Variants in CEP152 observed in about 807,000 individuals in gnomAD.
CEP152 encodes the protein centrosomal protein 152.
A neutral mutation model predicts 188.9 loss-of-function variants in CEP152; 132 were observed. The observed-to-expected ratio is 0.70, with a 90% confidence interval of 0.61 to 0.81. The LOEUF is 0.81. Ranked by LOEUF, CEP152 falls within the 30% of genes least tolerant of loss-of-function variation. The pLI is 0.00. For synonymous variants in CEP152, 649 were observed against 666.6 expected (o/e 0.97, Z 0.41); for missense variants, 1,914 against 1,969.8 (o/e 0.97, Z 0.54).
At chr15:48,774,646 G>A (rs139235017) in intron 12 of CEP152, among the ~76,000 whole-genome samples, 159 of 152,284 alleles carry the variant, frequency 1.0e-3, no homozygotes, top group African/African-American at 3.7e-3. Flanking sequence ...GACTAAACCC[G>A]AAGGGATGCA....
chr15:48,740,218 G>C (rs1383788365), intron 26 of CEP152, among the ~76,000 whole-genome samples: 2 of 152,136 alleles, frequency 1.3e-5, no homozygotes, highest in African/African-American at 2.4e-5. Flanking sequence ...TTATCATTAT[G>C]AACTATCAGC....
At chr15:48,807,510 G>A (rs954660003) in intron 1 of CEP152, among the ~76,000 whole-genome samples, 1 of 150,476 alleles carries the variant, frequency 6.6e-6, no homozygotes, top group Non-Finnish European at 1.5e-5. Flanking sequence ...AGCCGAGATT[G>A]CGCCACTGCA....
Position 48,738,594 on chromosome 15 carries a change from T to G in CEP152, c.4788A>C (p.Gln1596His). Residue 1596 changes from glutamine (Q) to histidine (H), a missense_variant, in exon 27 of 27, where the codon CAA becomes CAC. By Grantham distance (24) the Gln-to-His change is conservative. Transcript: ENST00000380950. ...ATTCACTTGGTATTTCCAAAGTTCC[T>G]TGTGGCCTACCATGTACAAATGATG... is the stretch of plus-strand genomic sequence containing the variant. Reference protein sequence around the residue: ...REASFVHGRPQGTLEIPSESV... With the variant: ...REASFVHGRPHGTLEIPSESV... 1 of 1,614,218 alleles carries G rather than the reference T, an allele frequency of 6.2e-7. No homozygotes were observed. The highest frequency in any genetic ancestry group is 8.5e-7 in the Non-Finnish European group (1 of 1,180,026).
intron 8 of CEP152, chr15:48,789,223 A>G (rs1366684270): frequency 1.4e-5 from 8 of 579,124 alleles, no homozygotes; most frequent in Non-Finnish European, 2.4e-5. Flanking sequence ...CTGAGAAAAT[A>G]CATTTGGTAG....
At chr15:48,741,785 A>G in intron 25 of CEP152, 81 bp from the exon 26 acceptor site, 2 of 1,610,464 alleles carry the variant, frequency 1.2e-6, no homozygotes, top group Non-Finnish European at 1.7e-6. Flanking sequence ...CTGTTTTCCT[A>G]TTGGCTCTGC....
intron 9 of CEP152, among the ~76,000 whole-genome samples, chr15:48,785,181 C>G (rs1778941785): frequency 6.6e-6 from 1 of 152,194 alleles, no homozygotes; most frequent in African/African-American, 2.4e-5. Context: ...GATACTAACA[C>G]AAGGTACATC....
At chr15:48,789,268 C>T (rs1386907272) in intron 8 of CEP152, 12 of 496,674 alleles carry the variant, frequency 2.4e-5, no homozygotes, top group African/African-American at 2.1e-4. Flanking sequence ...TTTTGCGCAG[C>T]ATGATGGATG....
rs191356942 is a variant in CEP152 at position 48,771,848 on chromosome 15, C to T, written c.1782+639G>A. The stretch of plus-strand genomic sequence containing the variant: ...TTATGCAAAGTCATCTAATGCAAAG[C>T]TTCATTTATAATAAACTGTTGAATA... On this transcript the variant is annotated intron_variant, in intron 13 of 26. Coordinates refer to ENST00000380950, the MANE Select transcript of CEP152 (RefSeq NM_001194998.2). Among the ~76,000 whole-genome samples, 30 of 152,286 alleles carry T rather than the reference C, an allele frequency of 2.0e-4. No individual in the cohort carries two copies. The East Asian group carries it at 5.6e-3, about 28-fold the overall frequency.
intron 18 of CEP152, 138 bp downstream of exon 18, chr15:48,762,253 T>C: frequency 1.2e-6 from 1 of 829,876 alleles, no homozygotes; most frequent in Admixed American, 2.4e-5. Context: ...TTTAGGAACA[T>C]GACAGGTTTT....
chr15:48,765,279 C>T (rs16952956), intron 17 of CEP152, among the ~76,000 whole-genome samples: 49,906 of 151,982 alleles, frequency 0.33, 11,381 homozygotes, highest in East Asian at 0.63. Flanking sequence ...TGTATCCTGA[C>T]AAAACTATAA....
intron 2 of CEP152, chr15:48,729,533 C>G (rs572939842): frequency 5.3e-5 from 8 of 152,034 alleles, no homozygotes; most frequent in Non-Finnish European, 7.4e-5. Context: ...AGAGCAAGAT[C>G]CCATCTCCTA....
chr15:48,761,115 A>G (rs923088195), intron 18 of CEP152, among the ~76,000 whole-genome samples: 4 of 152,186 alleles, frequency 2.6e-5, no homozygotes, highest in Non-Finnish European at 5.9e-5. Context: ...ATTTAAGATT[A>G]ATAATTTCAT....
chr15:48,745,998 C>A (rs1420057074), intron 22 of CEP152, among the ~76,000 whole-genome samples: 1 of 152,260 alleles, frequency 6.6e-6, no homozygotes, highest in East Asian at 1.9e-4. Context: ...AGTTGAGGAA[C>A]AAAATTACTC....
chr15:48,763,499 C>A (rs1458676802), intron 17 of CEP152, among the ~76,000 whole-genome samples: 1 of 152,018 alleles, frequency 6.6e-6, no homozygotes, highest in Admixed American at 6.5e-5. Flanking sequence ...CATGGCGAAA[C>A]CCCATCTCTA....
Position 48,755,818 on chromosome 15 carries a change from A to G in CEP152, c.3345+85T>C, listed in dbSNP as rs549918537. 2.5e-5 allele frequency: 39 copies of G among 1,589,678 alleles called. No individual in the cohort carries two copies. In the South Asian group the frequency reaches 4.0e-4, roughly 16 times the overall value. On this transcript the variant is annotated intron_variant, in intron 20 of 26. Transcript: ENST00000380950. The stretch of plus-strand genomic sequence containing the variant: ...ATAAGACTTACATCTACTAAAATTT[A>G]AAAGGAAAAAAGGAAAAAACACTAT...
rs1895970617 is a variant in CEP152 at position 48,777,167 on chromosome 15, G to A, written c.1577+4029C>T. ...TGGTTGGGATCCCAGAACAGAAAAA[G>A]TATGTTAAATAAAAACCAAGGGCAT... is the stretch of plus-strand genomic sequence containing the variant. On this transcript the variant is annotated intron_variant, in intron 12 of 26. Transcript: ENST00000380950. Among the ~76,000 whole-genome samples the A allele has an allele frequency of 2.0e-5, 3 of 151,910 alleles. No individual in the cohort carries two copies. The South Asian group carries it at 6.2e-4, about 32-fold the overall frequency.
intron 24 of CEP152, among the ~76,000 whole-genome samples, 189 bp from the exon 25 acceptor site, chr15:48,742,289 G>A (rs1893037594): frequency 6.6e-6 from 1 of 152,116 alleles, no homozygotes; most frequent in Non-Finnish European, 1.5e-5. Flanking sequence ...CAAATGAGAA[G>A]TACTCTATAA....
chr15:48,796,840 T>C (rs576793936), intron 5 of CEP152, among the ~76,000 whole-genome samples: 2 of 152,314 alleles, frequency 1.3e-5, no homozygotes, highest in South Asian at 2.1e-4. Context: ...TATATCACCA[T>C]ACAATAGAGA....
intron 6 of CEP152, 34 bp from the exon 7 acceptor site, chr15:48,793,495 A>G: frequency 6.3e-7 from 1 of 1,575,468 alleles, no homozygotes; most frequent in Non-Finnish European, 8.7e-7. Context: ...AGATAAAAAC[A>G]TACCAAAATA....
Sources: gnomAD v4.1 joint callset for allele counts (sites outside exome capture counted in the v4.1 genomes callset) on GRCh38, gnomAD v4.1.1 for gene constraint, MANE v1.5 for transcripts, NCBI Gene and HGNC (gene_info 2026-07-23, HGNC 2026-07-21) for gene names.